PCED1B: variants seen among roughly 807,000 people sequenced by gnomAD.
The protein encoded by PCED1B is PC-esterase domain containing 1B.
For missense variants in PCED1B, 573 were observed against 573.9 expected, an observed-to-expected ratio of 1.00 and a Z score of 0.02; for synonymous variants, 251 against 246.1, an observed-to-expected ratio of 1.02 and a Z score of -0.19.
intron 2 of PCED1B, among the ~76,000 whole-genome samples, chr12:47,193,344 C>T (rs187561461): frequency 1.3e-5 from 2 of 152,268 alleles, no homozygotes; most frequent in Admixed American, 1.3e-4. Context: ...GTTGTTCAAG[C>T]CAATGCAGAA....
rs1465226879 is a variant in PCED1B, at chr12:47,216,556, A to AT, written c.-188dup. 6.6e-6 allele frequency: 1 copy of AT among 152,128 alleles called. No individual in the cohort carries two copies. The highest frequency in any genetic ancestry group is 1.5e-5 in the Non-Finnish European group (1 of 68,048). 9.4% of individuals were successfully genotyped at this position (152,128 alleles called of 1,614,324 possible). ...CACAGCAGCACCCAGAGGCTAACCT[A>AT]TTTCCCCTATAGCCCAAGCTCTGAG... On this transcript the variant is annotated 5_prime_UTR_variant, in exon 3 of 4. An upstream open reading frame in the 5' UTR gains an earlier in-frame stop. Transcript: ENST00000546455.
chr12:47,220,265 G>A lies in PCED1B; in HGVS notation c.-58+3576G>A, dbSNP rs182593470. Among the ~76,000 whole-genome samples, 99 of 152,130 alleles carry A rather than the reference G, an allele frequency of 6.5e-4. 1 individual carries two copies. Among genetic ancestry groups the A allele is most frequent in the African/African-American group, 2.3e-3 (95 of 41,482 alleles). ...TGGCTCACTGCAACCTCTGCCTCCCGGGTTCAAGCAATTCTCTTGCCTCGG... is the reference window on the plus strand; with the variant it reads ...TGGCTCACTGCAACCTCTGCCTCCCAGGTTCAAGCAATTCTCTTGCCTCGG... On this transcript the variant is annotated intron_variant, in intron 3 of 3. Coordinates refer to ENST00000546455, the MANE Select transcript of PCED1B (RefSeq NM_138371.3).
chr12:47,157,140 A>G (rs1941218810), intron 2 of PCED1B, among the ~76,000 whole-genome samples: 1 of 152,194 alleles, frequency 6.6e-6, no homozygotes, highest in Non-Finnish European at 1.5e-5. Flanking sequence ...CAGTATGGTT[A>G]GACTGTGTTA....
chr12:47,116,163 A>G (rs1360914098), intron 2 of PCED1B, among the ~76,000 whole-genome samples: 2 of 152,228 alleles, frequency 1.3e-5, no homozygotes, highest in Non-Finnish European at 2.9e-5. Flanking sequence ...ACGTATCTAC[A>G]TGGTGTCAAG....
chr12:47,099,077 C>T (rs186482689), intron 1 of PCED1B, among the ~76,000 whole-genome samples: 299 of 152,324 alleles, frequency 2.0e-3, no homozygotes, highest in African/African-American at 6.9e-3. Flanking sequence ...TTCTCCCCTG[C>T]GAACCAGGTG....
At chr12:47,153,610 T>A (rs1021890737) in intron 2 of PCED1B, among the ~76,000 whole-genome samples, 32 of 151,994 alleles carry the variant, frequency 2.1e-4, no homozygotes, top group Non-Finnish European at 4.3e-4. Context: ...AGGAAAAAAA[T>A]TAGCTCTCCA....
At position 47,175,947 on chromosome 12, in the gene PCED1B, A is replaced by C. The variant is rs555031829; in HGVS notation, c.-525-40275A>C. Reference sequence around the variant, plus strand: ...CGCTACATTGCCCAGACTGGTCTCGAACTCCTGGGCTTAAGCCATCTTCCC... The same window carrying C: ...CGCTACATTGCCCAGACTGGTCTCGCACTCCTGGGCTTAAGCCATCTTCCC... On this transcript the variant is annotated intron_variant, in intron 2 of 3. Transcript: ENST00000546455. Among the ~76,000 whole-genome samples the C allele has an allele frequency of 3.3e-5, 5 of 150,348 alleles. No homozygotes were observed. In the South Asian group the frequency reaches 1.1e-3, roughly 32 times the overall value.
chr12:47,150,206 T>G (rs1424486336), intron 2 of PCED1B, among the ~76,000 whole-genome samples: 1 of 152,140 alleles, frequency 6.6e-6, no homozygotes, highest in Non-Finnish European at 1.5e-5. Flanking sequence ...CAGTTCCAGG[T>G]ACTGCTCTAG....
chr12:47,152,302 T>G (rs1301162708), intron 2 of PCED1B, among the ~76,000 whole-genome samples: 1 of 152,126 alleles, frequency 6.6e-6, no homozygotes, highest in East Asian at 1.9e-4. Context: ...ATATTACCAT[T>G]TGTAATATGA....
intron 2 of PCED1B, among the ~76,000 whole-genome samples, chr12:47,161,528 T>C (rs1941377730): frequency 6.6e-6 from 1 of 152,194 alleles, no homozygotes. Flanking sequence ...TATTAGTCTG[T>C]TTTGCATTTC....
chr12:47,187,290 T>A (rs1052711049), intron 2 of PCED1B, among the ~76,000 whole-genome samples: 1 of 152,130 alleles, frequency 6.6e-6, no homozygotes, highest in African/African-American at 2.4e-5. Flanking sequence ...CCATGGGATC[T>A]TACCTAAAAC....
chr12:47,228,249 T>A (rs1350919899), intron 3 of PCED1B, among the ~76,000 whole-genome samples: 1 of 152,084 alleles, frequency 6.6e-6, no homozygotes, highest in African/African-American at 2.4e-5. Flanking sequence ...TTGCCCAGGC[T>A]GGTCCTGACC....
chr12:47,173,235 A>T (rs1040937910), intron 2 of PCED1B, among the ~76,000 whole-genome samples: 3 of 152,148 alleles, frequency 2.0e-5, no homozygotes, highest in Admixed American at 1.3e-4. Flanking sequence ...AACTTTTTCG[A>T]AGTTCAGAAT....
intron 2 of PCED1B, among the ~76,000 whole-genome samples, chr12:47,119,149 T>C (rs1939563756): frequency 6.6e-6 from 1 of 152,162 alleles, no homozygotes; most frequent in Non-Finnish European, 1.5e-5. Flanking sequence ...AATAGTCTTT[T>C]CAACAAATAG....
At chr12:47,121,581 A>T (rs1939681137) in intron 2 of PCED1B, among the ~76,000 whole-genome samples, 1 of 152,202 alleles carries the variant, frequency 6.6e-6, no homozygotes, top group Non-Finnish European at 1.5e-5. Context: ...TAGAACAATA[A>T]TTTAATCTAA....
intron 2 of PCED1B, among the ~76,000 whole-genome samples, chr12:47,128,714 G>A (rs995351660): frequency 2.6e-5 from 4 of 152,218 alleles, no homozygotes; most frequent in Admixed American, 2.0e-4. Flanking sequence ...GTAACTGGAA[G>A]AGGAACTGTC....
intron 2 of PCED1B, among the ~76,000 whole-genome samples, chr12:47,206,786 A>T (rs548784065): frequency 5.0e-4 from 76 of 152,132 alleles, no homozygotes; most frequent in South Asian, 1.0e-3. Context: ...TTTTTTAAGG[A>T]CCTTGTATGT....
At chr12:47,188,467 A>T (rs1403049362) in intron 2 of PCED1B, among the ~76,000 whole-genome samples, 1 of 152,200 alleles carries the variant, frequency 6.6e-6, no homozygotes, top group Non-Finnish European at 1.5e-5. Context: ...ATGAAATTAT[A>T]TGCTTAGGTA....
rs547115736 is a variant in PCED1B, at chr12:47,116,744, G to T, written c.-526+12549G>T. Reference sequence around the variant, plus strand: ...TTAAATTTAATTTTTTCTTTATTCAGAACAACATTAAGTAGCAAATAAAAA... The same window carrying T: ...TTAAATTTAATTTTTTCTTTATTCATAACAACATTAAGTAGCAAATAAAAA... On this transcript the variant is annotated intron_variant, in intron 2 of 3. Transcript: ENST00000546455. Among the ~76,000 whole-genome samples the T allele has an allele frequency of 2.0e-5, 3 of 151,958 alleles. No individual in the cohort carries two copies. The East Asian group carries it at 5.8e-4, about 29-fold the overall frequency.
Sources: gnomAD v4.1 joint callset for allele counts (sites outside exome capture counted in the v4.1 genomes callset) on GRCh38, gnomAD v4.1.1 for gene constraint, MANE v1.5 for transcripts, NCBI Gene and HGNC (gene_info 2026-07-23, HGNC 2026-07-21) for gene names.